LRFN5: variants seen among roughly 807,000 people sequenced by gnomAD.
LRFN5 encodes the protein leucine rich repeat and fibronectin type III domain containing 5.
Under a neutral mutation model 45.6 loss-of-function variants are expected in LRFN5, and 24 were observed. The ratio of observed to expected loss-of-function variants is 0.53; its 90% CI spans 0.38 to 0.74. LRFN5 has a LOEUF of 0.74. LRFN5 is among the 30% of genes least tolerant of loss of function. The pLI, the probability that LRFN5 is intolerant of heterozygous loss-of-function variation, is 0.00. For missense variants in LRFN5, 776 were observed against 861.5 expected, an observed-to-expected ratio of 0.90 and a Z score of 1.24; for synonymous variants, 340 against 313.8, an observed-to-expected ratio of 1.08 and a Z score of -0.88.
chr14:41,655,072 C>T (rs923217763), intron 1 of LRFN5, among the ~76,000 whole-genome samples: 1 of 151,976 alleles, frequency 6.6e-6, no homozygotes, highest in African/African-American at 2.4e-5. Context: ...TTAATTCAGT[C>T]GTTTGTTCAA....
At chr14:41,722,565 G>GTTTTTTTTT (rs201341679) in intron 1 of LRFN5, among the ~76,000 whole-genome samples, 1 of 145,782 alleles carries the variant, frequency 6.9e-6, no homozygotes, top group African/African-American at 2.5e-5. Flanking sequence ...AAAATACGGT[G>GTTTTTTTTT]TTTTTTTTTT....
intron 1 of LRFN5, among the ~76,000 whole-genome samples, chr14:41,625,382 T>A (rs1242353465): frequency 1.3e-5 from 2 of 152,168 alleles, no homozygotes; most frequent in East Asian, 3.9e-4. Flanking sequence ...TGCTGGGCAC[T>A]CATTCTTTCT....
At position 41,646,519 on chromosome 14, in the gene LRFN5, C is replaced by T. The variant is rs138660702; in HGVS notation, c.-197+37957C>T. On this transcript the variant is annotated intron_variant, in intron 1 of 5. Coordinates refer to ENST00000298119, the MANE Select transcript of LRFN5 (RefSeq NM_152447.5). ...GGACACAGACCCCTTTTCTGTATCC[C>T]ATTTCCTAGAATCACTTATCCTTGT... Among the ~76,000 whole-genome samples the T allele has an allele frequency of 7.5e-3, 1,135 of 152,240 alleles. 28 individuals are homozygous for T. Among genetic ancestry groups the T allele is most frequent in the Admixed American group, 0.054 (818 of 15,284 alleles).
At chr14:41,738,991 A>G (rs546850354) in intron 1 of LRFN5, among the ~76,000 whole-genome samples, 2 of 152,234 alleles carry the variant, frequency 1.3e-5, no homozygotes, top group Non-Finnish European at 2.9e-5. Flanking sequence ...TCTTCTATAG[A>G]TCACATGTTA....
intron 2 of LRFN5, among the ~76,000 whole-genome samples, chr14:41,821,858 A>G (rs1034665982): frequency 6.6e-6 from 1 of 151,048 alleles, no homozygotes; most frequent in Admixed American, 6.6e-5. Context: ...TGTCTACTCA[A>G]GTTTTCTATT....
chr14:41,754,666 A>G (rs922763196), intron 1 of LRFN5, among the ~76,000 whole-genome samples: 1 of 151,732 alleles, frequency 6.6e-6, no homozygotes, highest in Non-Finnish European at 1.5e-5. Context: ...TTTCTTCTTT[A>G]TCAGTCTTGC....
At chr14:41,770,333 C>T (rs76284522) in intron 2 of LRFN5, among the ~76,000 whole-genome samples, 4,549 of 152,246 alleles carry the variant, frequency 0.03, 223 homozygotes, top group East Asian at 0.19. Flanking sequence ...TTGCAAAATA[C>T]AATTATCGCT....
intron 2 of LRFN5, among the ~76,000 whole-genome samples, chr14:41,848,821 C>A (rs1420446972): frequency 1.3e-5 from 2 of 152,032 alleles, no homozygotes; most frequent in African/African-American, 4.8e-5. Context: ...CAACAGGCTT[C>A]TTGTGCCTGT....
At chr14:41,674,217 C>T (rs1194806499) in intron 1 of LRFN5, among the ~76,000 whole-genome samples, 3 of 138,278 alleles carry the variant, frequency 2.2e-5, no homozygotes, top group African/African-American at 8.1e-5. Context: ...CCCCCCACCT[C>T]CCTCCCGGAC....
At chr14:41,829,710 C>CT (rs549042938) in intron 2 of LRFN5, among the ~76,000 whole-genome samples, 81 of 137,378 alleles carry the variant, frequency 5.9e-4, no homozygotes, top group Non-Finnish European at 7.5e-4. Context: ...GTGTGCTTAC[C>CT]TTTTTATTAA....
intron 3 of LRFN5, among the ~76,000 whole-genome samples, chr14:41,890,199 T>C (rs576754402): frequency 6.4e-4 from 98 of 152,246 alleles, no homozygotes; most frequent in African/African-American, 2.2e-3. Flanking sequence ...ATTTAGGCAC[T>C]GTCTAAACTC....
intron 1 of LRFN5, among the ~76,000 whole-genome samples, chr14:41,657,636 T>G (rs1216140193): frequency 1.3e-5 from 2 of 151,992 alleles, no homozygotes; most frequent in Non-Finnish European, 2.9e-5. Context: ...TCAAAGCCAT[T>G]TAAAGTATTT....
At chr14:41,824,127 C>G (rs1888216228) in intron 2 of LRFN5, among the ~76,000 whole-genome samples, 1 of 151,976 alleles carries the variant, frequency 6.6e-6, no homozygotes, top group African/African-American at 2.4e-5. Flanking sequence ...TAATTGAGTT[C>G]CCTTACAAGC....
At chr14:41,846,278 A>T (rs1386002810) in intron 2 of LRFN5, among the ~76,000 whole-genome samples, 2 of 152,002 alleles carry the variant, frequency 1.3e-5, no homozygotes, top group African/African-American at 4.8e-5. Context: ...CTAGGTATGA[A>T]CTCAACATAT....
rs1469926272 is a variant in LRFN5, at chr14:41,904,179, G to A, written c.*4G>A. The A allele has an allele frequency of 1.4e-5, 22 of 1,606,860 alleles. No individual in the cohort carries two copies. Among genetic ancestry groups the A allele is most frequent in the Non-Finnish European group, 1.8e-5 (21 of 1,177,724 alleles). Reference sequence around the variant, plus strand: ...TCAGAGGCTGGAGTTAATCTGAAGAGCACCACTTCTCCTCTCTCTCCTGAA... The same window carrying A: ...TCAGAGGCTGGAGTTAATCTGAAGAACACCACTTCTCCTCTCTCTCCTGAA... On this transcript the variant is annotated 3_prime_UTR_variant, in exon 6 of 6. Coordinates refer to ENST00000298119, the MANE Select transcript of LRFN5 (RefSeq NM_152447.5).
chr14:41,645,017 TG>T, intron 1 of LRFN5, among the ~76,000 whole-genome samples: 1 of 152,330 alleles, frequency 6.6e-6, no homozygotes, highest in East Asian at 1.9e-4. Context: ...TGAGAGCTTT[TG>T]GTATGGATTA....
At chr14:41,662,104 A>G (rs1318100100) in intron 1 of LRFN5, among the ~76,000 whole-genome samples, 1 of 152,030 alleles carries the variant, frequency 6.6e-6, no homozygotes. Flanking sequence ...ATGAACTCAC[A>G]GATAACAGGG....
chr14:41,771,606 G>A (rs1886091247), intron 2 of LRFN5, among the ~76,000 whole-genome samples: 1 of 152,014 alleles, frequency 6.6e-6, no homozygotes, highest in Admixed American at 6.6e-5. Context: ...CCTAGGACCT[G>A]GATGCAGTAC....
chr14:41,743,289 A>C (rs969895747), intron 1 of LRFN5, among the ~76,000 whole-genome samples: 2 of 152,152 alleles, frequency 1.3e-5, no homozygotes, highest in African/African-American at 4.8e-5. Context: ...CACTTAAGCC[A>C]GACATGCAAG....
Sources: allele counts gnomAD v4.1 joint callset (sites outside exome capture counted in the v4.1 genomes callset), GRCh38; gene constraint gnomAD v4.1.1; transcripts MANE v1.5; gene names NCBI Gene and HGNC (gene_info 2026-07-23, HGNC 2026-07-21).